Variants in ADCK2 observed in about 807,000 individuals in gnomAD.
ADCK2 encodes uncharacterized aarF domain-containing protein kinase 2.
ADCK2 carries 37 observed loss-of-function variants against 52.3 expected under a neutral mutation model. That is an observed-to-expected ratio of 0.71 (90% confidence interval 0.54 to 0.93). The LOEUF is 0.93. ADCK2 is among the 40% of genes least tolerant of loss of function. The pLI is 0.00. For synonymous variants in ADCK2, 321 were observed against 349.2 expected, an observed-to-expected ratio of 0.92 and a Z score of 0.90; for missense variants, 695 against 798.7, an observed-to-expected ratio of 0.87 and a Z score of 1.56.
chr7:140,686,912 A>G, intron 4 of ADCK2, 78 bp from the exon 5 acceptor site: 1 of 1,563,972 alleles, frequency 6.4e-7, no homozygotes. Context: ...GCTTATTGTC[A>G]CCTGGCAACT....
intron 7 of ADCK2, among the ~76,000 whole-genome samples, chr7:140,691,545 C>T (rs1794702515): frequency 6.6e-6 from 1 of 152,138 alleles, no homozygotes; most frequent in African/African-American, 2.4e-5. Context: ...ACTGCTGTGG[C>T]CCCTGCCTGG....
At position 140,674,885 on chromosome 7, in the gene ADCK2, A is replaced by C; in HGVS notation, c.1080+128A>C. ...CTCATGTGATGTGTTAGAGCTGGTA[A>C]CACTAGCTGATAAAGAACATCCAAA... On this transcript the variant is annotated intron_variant, in intron 2 of 7. Coordinates refer to ENST00000072869, the MANE Select transcript of ADCK2 (RefSeq NM_052853.4). This position sits in a 1 kb window ranked among gnomAD's most constrained non-coding sequence, Gnocchi z 4.6. The C allele has an allele frequency of 3.5e-6, 4 of 1,148,408 alleles. No homozygotes were observed. The highest frequency in any genetic ancestry group is 4.8e-6 in the Non-Finnish European group (4 of 840,480). 71.1% of individuals were successfully genotyped at this position (1,148,408 alleles called of 1,614,324 possible).
Position 140,688,996 on chromosome 7 carries a change from C to G in ADCK2, c.1558-601C>G, listed in dbSNP as rs1241005623. ...TAATTTTTTTTTTTTGAGATGGAATCTCACTCTGTTCCCTGGGCTGGAGTG... is the reference window on the plus strand; with the variant it reads ...TAATTTTTTTTTTTTGAGATGGAATGTCACTCTGTTCCCTGGGCTGGAGTG... On this transcript the variant is annotated intron_variant, in intron 5 of 7. Transcript: ENST00000072869. 2.0e-5 allele frequency among the ~76,000 whole-genome samples: 3 copies of G among 150,486 alleles called. No individual in the cohort carries two copies. In the East Asian group the frequency reaches 5.9e-4, roughly 29 times the overall value.
At chr7:140,684,163 G>A (rs1794565473) in intron 4 of ADCK2, among the ~76,000 whole-genome samples, 1 of 152,146 alleles carries the variant, frequency 6.6e-6, no homozygotes, top group Admixed American at 6.5e-5. Flanking sequence ...CCCAGAGCAG[G>A]ATTTGTTTTG....
At chr7:140,685,854 G>A (rs192817385) in intron 4 of ADCK2, among the ~76,000 whole-genome samples, 249 of 152,226 alleles carry the variant, frequency 1.6e-3, no homozygotes, top group Non-Finnish European at 3.1e-3. Context: ...GAGATGACCG[G>A]TTATTGGAAG....
intron 4 of ADCK2, among the ~76,000 whole-genome samples, chr7:140,684,777 C>G (rs1188897480): frequency 6.6e-6 from 1 of 152,172 alleles, no homozygotes; most frequent in Non-Finnish European, 1.5e-5. Flanking sequence ...TAATTCCACT[C>G]CACCCCAGGG....
intron 6 of ADCK2, 45 bp downstream of exon 6, chr7:140,689,770 G>C (rs758112130): frequency 1.3e-6 from 2 of 1,556,224 alleles, no homozygotes; most frequent in Admixed American, 1.8e-5. Flanking sequence ...GTCCATACCT[G>C]GCCTGGGGCA....
chr7:140,692,752 T>A (rs917691250), intron 7 of ADCK2, among the ~76,000 whole-genome samples: 1 of 152,262 alleles, frequency 6.6e-6, no homozygotes, highest in Admixed American at 6.5e-5. Context: ...TGTGTAAATA[T>A]CTTTTCAAGA....
In ADCK2 at chr7:140,678,164, T is replaced by C. The variant is rs2968556; in HGVS notation, c.1081-991T>C. Among the ~76,000 whole-genome samples the C allele has an allele frequency of 0.051, 7,810 of 151,978 alleles. 246 individuals carry two copies. The highest frequency in any genetic ancestry group is 0.069 in the Non-Finnish European group (4,663 of 67,918). ...GAGGGCATGCGCCTTGGGAGTGGCA[T>C]TGGGGGACAGGGACTGATCTGAGGG... On this transcript the variant is annotated intron_variant, in intron 2 of 7. Coordinates refer to ENST00000072869, the MANE Select transcript of ADCK2 (RefSeq NM_052853.4). This position sits in a 1 kb window ranked among gnomAD's most constrained non-coding sequence, Gnocchi z 4.9.
Position 140,673,106 on chromosome 7 carries a change from A to ACAGCGG in ADCK2, c.-221_-220insGGCAGC. On this transcript the variant is annotated 5_prime_UTR_variant, in exon 1 of 8. Coordinates refer to ENST00000072869, the MANE Select transcript of ADCK2 (RefSeq NM_052853.4). This position sits in a 1 kb window ranked among gnomAD's most constrained non-coding sequence, Gnocchi z 6.4. ...CCCGTTCCGCAGTTGGTGCCGTCTG[A>ACAGCGG]CAGCCCCTTCCGCGCGGCGCGGCGC... 1 of 283,306 alleles carries ACAGCGG rather than the reference A, an allele frequency of 3.5e-6. No individual in the cohort carries two copies. Among genetic ancestry groups the ACAGCGG allele is most frequent in the Non-Finnish European group, 6.4e-6 (1 of 156,136 alleles). 17.5% of individuals were successfully genotyped at this position (283,306 alleles called of 1,614,324 possible).
rs1484162992 is a variant in ADCK2 at position 140,676,993 on chromosome 7, A to G, written c.1081-2162A>G. ...AACCATGATCACACCACCGCACTCC[A>G]GCCTGGGTGACAGAGTGAGATCCCA... On this transcript the variant is annotated intron_variant, in intron 2 of 7. Coordinates refer to ENST00000072869, the MANE Select transcript of ADCK2 (RefSeq NM_052853.4). Among the ~76,000 whole-genome samples, 3 of 152,042 alleles carry G rather than the reference A, an allele frequency of 2.0e-5. No individual in the cohort carries two copies. In the East Asian group the frequency reaches 5.8e-4, roughly 29 times the overall value.
intron 2 of ADCK2, among the ~76,000 whole-genome samples, chr7:140,677,417 A>AG (rs1794438488): frequency 6.6e-6 from 1 of 152,006 alleles, no homozygotes; most frequent in Admixed American, 6.5e-5. Flanking sequence ...AAAAAAAAAA[A>AG]AAAAGAAAGA....
chr7:140,687,720 A>G (rs1489022139), intron 5 of ADCK2, among the ~76,000 whole-genome samples: 5 of 151,588 alleles, frequency 3.3e-5, no homozygotes, highest in Admixed American at 1.3e-4. Flanking sequence ...TTTCAAAAAA[A>G]AAAAAGAAAA....
intron 7 of ADCK2, among the ~76,000 whole-genome samples, chr7:140,694,406 A>G (rs758728072): frequency 5.3e-5 from 8 of 152,198 alleles, no homozygotes; most frequent in Admixed American, 1.3e-4. Context: ...TCATTCATAC[A>G]CACATGGACA....
intron 6 of ADCK2, 125 bp downstream of exon 6, chr7:140,689,850 C>T (rs1794674903): frequency 8.3e-7 from 1 of 1,203,496 alleles, no homozygotes; most frequent in Admixed American, 3.7e-5. Flanking sequence ...AAAGAACCAC[C>T]CCACATCTTC....
At chr7:140,675,559 AGG>A (rs1794388996) in intron 2 of ADCK2, among the ~76,000 whole-genome samples, 1 of 152,210 alleles carries the variant, frequency 6.6e-6, no homozygotes, top group Admixed American at 6.5e-5. Context: ...GAGGCCATGC[AGG>A]GTCATGTAAT....
rs1487404503 is a variant in ADCK2 at position 140,674,309 on chromosome 7, C to G, written c.933+46C>G. On this transcript the variant is annotated intron_variant, in intron 1 of 7. Transcript: ENST00000072869. The surrounding 1 kb of genome is among the most constrained non-coding windows in gnomAD (Gnocchi z 4.6). ...CAGCTCACCTACCCACTGAGCTATC[C>G]CAGATCAGAAACAACCGCCATGCAA... is the stretch of plus-strand genomic sequence containing the variant. 1.3e-6 allele frequency: 2 copies of G among 1,529,930 alleles called. No individual in the cohort carries two copies. The highest frequency in any genetic ancestry group is 4.1e-5 in the Admixed American group (2 of 49,118). The allele number at this position is 1,529,930 out of a possible 1,614,324, so 94.8% of individuals were successfully genotyped here.
In ADCK2 at chr7:140,673,936, C is replaced by A. The variant is rs746218817; in HGVS notation, c.606C>A (p.Asn202Lys). The change falls in exon 1 of 8, where the codon AAC becomes AAA. Residue 202 changes from asparagine (N) to lysine (K), a missense_variant. Asn to Lys is a moderately conservative substitution (Grantham distance 94, BLOSUM62 0). Transcript: ENST00000072869. The surrounding 1 kb of genome is among the most constrained non-coding windows in gnomAD (Gnocchi z 6.4). ...DDWGSILSFENREPVGSGCVA... is the reference protein window; with the variant it reads ...DDWGSILSFEKREPVGSGCVA... Reference sequence around the variant, plus strand: ...GGGGGAGCATCCTCTCTTTTGAGAACCGGGAACCTGTGGGCTCAGGCTGCG... The same window carrying A: ...GGGGGAGCATCCTCTCTTTTGAGAAACGGGAACCTGTGGGCTCAGGCTGCG... The A allele has an allele frequency of 4.3e-6, 7 of 1,613,988 alleles. No homozygotes were observed. The highest frequency in any genetic ancestry group is 1.3e-5 in the African/African-American group (1 of 75,060).
intron 2 of ADCK2, among the ~76,000 whole-genome samples, chr7:140,675,796 T>C (rs1794399701): frequency 6.6e-6 from 1 of 152,248 alleles, no homozygotes; most frequent in African/African-American, 2.4e-5. Flanking sequence ...GCCTTTGTTC[T>C]GCTTTGATTC....
Sources: gnomAD v4.1 joint callset for allele counts (sites outside exome capture counted in the v4.1 genomes callset) on GRCh38, gnomAD v4.1.1 for gene constraint, Gnocchi (gnomAD v3.1) non-coding constraint, MANE v1.5 for transcripts, NCBI Gene and HGNC (gene_info 2026-07-23, HGNC 2026-07-21) for gene names.